ALLC: variants seen among roughly 807,000 people sequenced by gnomAD.
ALLC encodes probable inactive allantoicase.
Under a neutral mutation model 45.0 loss-of-function variants are expected in ALLC, and 40 were observed. The ratio of observed to expected loss-of-function variants is 0.89; its 90% CI spans 0.69 to 1.16. The LOEUF is 1.16. Among genes scored for constraint, ALLC ranks in the 50% most tolerant of loss-of-function variants. The probability of loss-of-function intolerance (pLI) is 0.00; values close to 1 mark genes in which losing one functional copy is unlikely to be tolerated. For synonymous variants in ALLC, 176 were observed against 178.1 expected (o/e 0.99, Z 0.09); for missense variants, 488 against 493.1 (o/e 0.99, Z 0.10).
intron 5 of ALLC, 42 bp from the exon 6 acceptor site, chr2:3,681,592 T>G: frequency 1.4e-6 from 2 of 1,460,618 alleles, no homozygotes; most frequent in Non-Finnish European, 1.9e-6. Flanking sequence ...CCCTTTGATT[T>G]TGAACCCTAA....
chr2:3,682,748 A>G (rs528449956), intron 6 of ALLC, among the ~76,000 whole-genome samples, 194 bp from the exon 7 acceptor site: 18 of 152,176 alleles, frequency 1.2e-4, no homozygotes, highest in East Asian at 3.9e-4. Flanking sequence ...GATGGTCTCG[A>G]TCTCCTGACC....
At chr2:3,653,602 G>A (rs1331000137), upstream of ALLC, among the ~76,000 whole-genome samples, 1 of 152,196 alleles carries the variant, frequency 6.6e-6, no homozygotes, top group African/African-American at 2.4e-5. This position sits in a 1 kb window ranked among gnomAD's most constrained non-coding sequence, Gnocchi z 4.1. Flanking sequence ...TGTGGCAGCA[G>A]TGGGTGTCGA....
At chr2:3,698,457 G>A (rs563224768) in intron 10 of ALLC, among the ~76,000 whole-genome samples, 39 of 152,298 alleles carry the variant, frequency 2.6e-4, no homozygotes, top group Middle Eastern at 3.4e-3. Context: ...CAGATTGACC[G>A]GGGAAGGGGA....
the ALLC span, among the ~76,000 whole-genome samples, chr2:3,651,297 T>TGGGGG: frequency 0.014 from 23 of 1,692 alleles, 1 homozygote; most frequent in Non-Finnish European, 0.024. Context: ...GAATTCTTTT[T>TGGGGG]GGGTGGGTGG....
intron 3 of ALLC, among the ~76,000 whole-genome samples, chr2:3,676,287 G>T (rs1405626663): frequency 6.6e-6 from 1 of 152,022 alleles, no homozygotes; most frequent in South Asian, 2.1e-4. Flanking sequence ...CACTTTTTTT[G>T]GTGGGGGTGG....
chr2:3,664,044 C>T (rs549356031), intron 1 of ALLC, among the ~76,000 whole-genome samples: 10 of 152,364 alleles, frequency 6.6e-5, no homozygotes, highest in Middle Eastern at 3.4e-3. Flanking sequence ...CTTAGACACC[C>T]ACTGCCAGCA....
intron 7 of ALLC, among the ~76,000 whole-genome samples, chr2:3,684,197 A>T (rs781374317): frequency 6.6e-6 from 1 of 152,150 alleles, no homozygotes; most frequent in Non-Finnish European, 1.5e-5. Flanking sequence ...ACTATTTTAC[A>T]TTCTTAACAG....
intron 9 of ALLC, among the ~76,000 whole-genome samples, chr2:3,696,941 C>G (rs1667690998): frequency 6.6e-6 from 1 of 152,168 alleles, no homozygotes; most frequent in Non-Finnish European, 1.5e-5. Context: ...TGAACAGACT[C>G]TCCGTTCTCA....
chr2:3,685,744 G>A (rs1667321414), intron 7 of ALLC, among the ~76,000 whole-genome samples: 1 of 150,954 alleles, frequency 6.6e-6, no homozygotes, highest in South Asian at 2.1e-4. Context: ...GAGATGTTGA[G>A]CATTTAAAAA....
intron 11 of ALLC, 36 bp from the exon 12 acceptor site, chr2:3,702,327 A>G: frequency 6.3e-7 from 1 of 1,593,610 alleles, no homozygotes; most frequent in Non-Finnish European, 8.6e-7. Context: ...ATGTCCTGTT[A>G]ACAGACTAGG....
rs36098107 is a variant in ALLC at position 3,689,947 on chromosome 2, C to CTT, written c.512-5758_512-5757dup. 1.3e-3 allele frequency among the ~76,000 whole-genome samples: 180 copies of CTT among 137,780 alleles called. 4 individuals are homozygous for CTT. The highest frequency in any genetic ancestry group is 7.9e-3 in the Middle Eastern group (2 of 254). The allele number at this position is 137,780 out of a possible 152,430, so 90.4% of individuals were successfully genotyped here. A position where few individuals can be genotyped will look rare whatever the true frequency, so the allele number is the denominator to read the frequency against. On this transcript the variant is annotated intron_variant, in intron 7 of 11. Coordinates refer to ENST00000252505, the MANE Select transcript of ALLC (RefSeq NM_018436.4). Reference sequence around the variant, plus strand: ...CATTTATCATTATACAGTGTCTTGTCTTTTTTTTTTTTTAACAGTCTTTGA... The same window carrying CTT: ...CATTTATCATTATACAGTGTCTTGTCTTTTTTTTTTTTTTTAACAGTCTTTGA...
chr2:3,651,301 TGGGTGGGTGGGTG>T, the ALLC span, among the ~76,000 whole-genome samples: 542 of 7,766 alleles, frequency 0.07, 149 homozygotes, highest in African/African-American at 0.14. Context: ...TCTTTTTGGG[TGGGTGGGTGGGTG>T]GGGGGGGTGT....
At chr2:3,666,820 C>G (rs993759066) in intron 1 of ALLC, among the ~76,000 whole-genome samples, 2 of 152,214 alleles carry the variant, frequency 1.3e-5, no homozygotes, top group Non-Finnish European at 2.9e-5. Flanking sequence ...GCGTCGTAAT[C>G]TTTTCGGAGC....
chr2:3,648,041 G>A, the ALLC span, among the ~76,000 whole-genome samples: 1 of 152,046 alleles, frequency 6.6e-6, no homozygotes, highest in Non-Finnish European at 1.5e-5. Flanking sequence ...GGGCAGGTGT[G>A]GGGCAATGGG....
chr2:3,655,502 CTGGAGAG>C (rs1203849641), upstream of ALLC, among the ~76,000 whole-genome samples: 1 of 152,254 alleles, frequency 6.6e-6, no homozygotes, highest in African/African-American at 2.4e-5. Context: ...ATTGCCCAGG[CTGGAGAG>C]CAGTGGTGCG....
At chr2:3,682,719 G>A (rs991997577) in intron 6 of ALLC, among the ~76,000 whole-genome samples, 2 of 152,126 alleles carry the variant, frequency 1.3e-5, no homozygotes, top group Admixed American at 1.3e-4. Flanking sequence ...TACAGACGGG[G>A]TTTCACCGTG....
chr2:3,671,535 C>T (rs993816356), intron 2 of ALLC, among the ~76,000 whole-genome samples: 1 of 151,614 alleles, frequency 6.6e-6, no homozygotes, highest in African/African-American at 2.4e-5. Flanking sequence ...AGGAGGTCCT[C>T]TGGCTCTGGT....
chr2:3,656,689 G>A (rs991552365), upstream of ALLC, among the ~76,000 whole-genome samples: 2 of 152,204 alleles, frequency 1.3e-5, no homozygotes, highest in African/African-American at 2.4e-5. Flanking sequence ...GCCTCAGGCC[G>A]TATCTCAAAT....
At chr2:3,669,408 C>T (rs13402194) in intron 1 of ALLC, among the ~76,000 whole-genome samples, 47,397 of 151,646 alleles carry the variant, frequency 0.31, 7,808 homozygotes, top group African/African-American at 0.42. Flanking sequence ...CAGGAGGCGG[C>T]GGTTGCAGTG....
Sources: allele counts gnomAD v4.1 joint callset (sites outside exome capture counted in the v4.1 genomes callset), GRCh38; gene constraint gnomAD v4.1.1; non-coding constraint Gnocchi (gnomAD v3.1); transcripts MANE v1.5; gene names NCBI Gene and HGNC (gene_info 2026-07-23, HGNC 2026-07-21).